Variants in ITGA5 observed in about 807,000 individuals in gnomAD.
The protein encoded by ITGA5 is integrin subunit alpha 5, also known as integrin alpha-5.
In ITGA5, 55 loss-of-function variants were observed where a neutral mutation model predicts 146.3. The ratio of observed to expected loss-of-function variants is 0.38; its 90% CI spans 0.30 to 0.47. The LOEUF is 0.47. ITGA5 is among the 20% of genes least tolerant of loss of function. The pLI, the probability that ITGA5 is intolerant of heterozygous loss-of-function variation, is 0.99. For missense variants in ITGA5, 1,131 were observed against 1,329.0 expected (o/e 0.85, Z 2.32); for synonymous variants, 500 against 531.8 (o/e 0.94, Z 0.82).
In ITGA5 at chr12:54,401,229, GGACTCTGCCTCATGCCTTT is replaced by G; in HGVS notation, c.2493+125_2493+143del. 1.3e-6 allele frequency: 1 copy of G among 792,982 alleles called. No homozygotes were observed. Among genetic ancestry groups the G allele is most frequent in the African/African-American group, 1.7e-5 (1 of 58,268 alleles). The allele number at this position is 792,982 out of a possible 1,614,324, so 49.1% of individuals were successfully genotyped here. Reference sequence around the variant, plus strand: ...GTCTCTCCTCTGGCTGTTTCTCACAGGACTCTGCCTCATGCCTTTGCATATCACTTACTCCTCCCTCCTC... The same window carrying G: ...GTCTCTCCTCTGGCTGTTTCTCACAGGCATATCACTTACTCCTCCCTCCTC... On this transcript the variant is annotated intron_variant, in intron 24 of 29. Transcript: ENST00000293379. This position sits in a 1 kb window ranked among gnomAD's most constrained non-coding sequence, Gnocchi z 5.0.
rs1220528423 is a variant in ITGA5, at chr12:54,401,110, T to C, written c.2494-115A>G. On this transcript the variant is annotated intron_variant, in intron 24 of 29. Transcript: ENST00000293379. This position sits in a 1 kb window ranked among gnomAD's most constrained non-coding sequence, Gnocchi z 5.0. The stretch of plus-strand genomic sequence containing the variant: ...TGCTGTCAGGCTCCTATCTCAGAGA[T>C]GAAGCAGGGAAGCAATGGGCAGAGG... 1 of 1,126,710 alleles carries C rather than the reference T, an allele frequency of 8.9e-7. No individual in the cohort carries two copies. The highest frequency in any genetic ancestry group is 1.3e-6 in the Non-Finnish European group (1 of 792,854). 69.8% of individuals were successfully genotyped at this position (1,126,710 alleles called of 1,614,324 possible).
At chr12:54,396,511 G>A in intron 29 of ITGA5, 135 bp from the exon 30 acceptor site, 3 of 694,308 alleles carry the variant, frequency 4.3e-6, no homozygotes, top group Non-Finnish European at 7.6e-6. Context: ...CTGAATTCAG[G>A]CTAGGACTAC....
In ITGA5 at chr12:54,409,139, G is replaced by GA. The variant is rs1955907196; in HGVS notation, c.583+92_583+93insT. ...TTAAGCAACCTAGAACCTCATGGGG[G>GA]CACATGGTAGGTGCGAGTCAACCCT... On this transcript the variant is annotated intron_variant, in intron 4 of 29. Transcript: ENST00000293379. This position sits in a 1 kb window ranked among gnomAD's most constrained non-coding sequence, Gnocchi z 4.7. 6.6e-7 allele frequency: 1 copy of GA among 1,518,566 alleles called. No individual in the cohort carries two copies. The highest frequency in any genetic ancestry group is 1.4e-5 in the African/African-American group (1 of 72,450). 94.1% of individuals were successfully genotyped at this position (1,518,566 alleles called of 1,614,324 possible).
intron 7 of ITGA5, 101 bp from the exon 8 acceptor site, chr12:54,407,977 G>C (rs1955887639): frequency 2.7e-6 from 4 of 1,508,284 alleles, no homozygotes; most frequent in Admixed American, 1.8e-5. Flanking sequence ...GGCCTTCATA[G>C]TCAGCAGGCA....
chr12:54,402,948 C>T, intron 19 of ITGA5, 35 bp downstream of exon 19: 3 of 1,597,406 alleles, frequency 1.9e-6, no homozygotes, highest in Non-Finnish European at 2.6e-6. Flanking sequence ...CCAGGTGCAC[C>T]TGGAGCTCCC....
At position 54,401,719 on chromosome 12, in the gene ITGA5, C is replaced by T; in HGVS notation, c.2307-54G>A. 1 of 1,610,436 alleles carries T rather than the reference C, an allele frequency of 6.2e-7. No homozygotes were observed. Among genetic ancestry groups the T allele is most frequent in the South Asian group, 1.1e-5 (1 of 90,954 alleles). ...TGGAGTGCAGCCAGTGAGAATGGCG[C>T]CCAGCCCTCCCTTCCGTCCCCAGCT... On this transcript the variant is annotated intron_variant, in intron 22 of 29. Coordinates refer to ENST00000293379, the MANE Select transcript of ITGA5 (RefSeq NM_002205.5). This position sits in a 1 kb window ranked among gnomAD's most constrained non-coding sequence, Gnocchi z 5.0.
intron 27 of ITGA5, among the ~76,000 whole-genome samples, chr12:54,399,395 C>CTT: frequency 6.6e-6 from 1 of 152,252 alleles, no homozygotes; most frequent in East Asian, 1.9e-4. Flanking sequence ...TTCTATCATT[C>CTT]TTTGCACACT....
intron 19 of ITGA5, among the ~76,000 whole-genome samples, chr12:54,402,642 G>A (rs1955802761): frequency 6.6e-6 from 1 of 151,952 alleles, no homozygotes; most frequent in Non-Finnish European, 1.5e-5. Context: ...GGAGGTTGCA[G>A]TGAGCCGAGA....
At position 54,401,003 on chromosome 12, in the gene ITGA5, G is replaced by A. The variant is rs1265176713; in HGVS notation, c.2494-8C>T. 6.2e-7 allele frequency: 1 copy of A among 1,612,628 alleles called. No homozygotes were observed. Among genetic ancestry groups the A allele is most frequent in the Non-Finnish European group, 8.5e-7 (1 of 1,179,518 alleles). On this transcript the variant is annotated splice_polypyrimidine_tract_variant and splice_region_variant and intron_variant, in intron 24 of 29. Coordinates refer to ENST00000293379, the MANE Select transcript of ITGA5 (RefSeq NM_002205.5). This position sits in a 1 kb window ranked among gnomAD's most constrained non-coding sequence, Gnocchi z 5.0. ...GGGGCCTTGGTTGATGAGCTGAGGA[G>A]GGAAGAGCACAATCATCATGAGAAG... is the stretch of plus-strand genomic sequence containing the variant.
At position 54,403,251 on chromosome 12, in the gene ITGA5, G is replaced by T; in HGVS notation, c.1850C>A (p.Pro617Gln). 1 of 1,565,842 alleles carries T rather than the reference G, an allele frequency of 6.4e-7. No individual in the cohort carries two copies. Among genetic ancestry groups the T allele is most frequent in the Non-Finnish European group, 8.6e-7 (1 of 1,159,390 alleles). The change falls in exon 18 of 30, where the codon CCA (proline) becomes CAA (glutamine). Residue 617 changes from proline to glutamine, a missense_variant. Pro to Gln is a moderately conservative substitution (Grantham distance 76, BLOSUM62 -1). Transcript: ENST00000293379. The surrounding 1 kb of genome is among the most constrained non-coding windows in gnomAD (Gnocchi z 4.9). ...TGGCCTGAGGCCGTGGCTGTCCACT[G>T]GGGCTTGGGGGTCCAAGGAGAAGTT... is the stretch of plus-strand genomic sequence containing the variant. Reference protein sequence around the residue: ...ALNFSLDPQAPVDSHGLRPAL... With the variant: ...ALNFSLDPQAQVDSHGLRPAL...
At chr12:54,407,490 A>G in intron 9 of ITGA5, 159 bp downstream of exon 9, 2 of 680,874 alleles carry the variant, frequency 2.9e-6, no homozygotes, top group Non-Finnish European at 2.7e-6. Context: ...AATAAAGAGC[A>G]GAATGATTCT....
Position 54,409,539 on chromosome 12 carries a change from G to C in ITGA5, c.408C>G (p.Tyr136Ter). 6.2e-7 allele frequency: 1 copy of C among 1,614,002 alleles called. No individual in the cohort carries two copies. Among genetic ancestry groups the C allele is most frequent in the Non-Finnish European group, 8.5e-7 (1 of 1,179,988 alleles). Residue 136 changes from tyrosine to a stop codon, truncating the protein, a stop_gained, in exon 3 of 30, where the codon TAC (tyrosine) becomes TAG (stop). Coordinates refer to ENST00000293379, the MANE Select transcript of ITGA5 (RefSeq NM_002205.5). LOFTEE classifies it high-confidence loss of function. The surrounding 1 kb of genome is among the most constrained non-coding windows in gnomAD (Gnocchi z 4.7). ...TTGCCCCGAACCACTGCAAGGACTT[G>C]TACTCCACAGGCTCCTCTCCCTCTG... ...SSSEGEEPVEYKSLQWFGATV... is the reference protein window; with the variant it reads ...SSSEGEEPVE
intron 2 of ITGA5, among the ~76,000 whole-genome samples, chr12:54,410,357 T>C (rs566519203): frequency 6.7e-5 from 10 of 150,376 alleles, no homozygotes; most frequent in African/African-American, 2.0e-4. Context: ...CTTTTTTTTT[T>C]TTTTTTGAGA....
intron 1 of ITGA5, among the ~76,000 whole-genome samples, chr12:54,418,732 C>G (rs1446651739): frequency 6.6e-6 from 1 of 151,816 alleles, no homozygotes; most frequent in Non-Finnish European, 1.5e-5. Context: ...TCTCCAGCTC[C>G]GTGTCCTCTC....
chr12:54,403,317 G>C lies in ITGA5; in HGVS notation c.1784C>G (p.Ser595Ter), dbSNP rs550770250. 6.5e-7 allele frequency: 1 copy of C among 1,528,042 alleles called. No individual in the cohort carries two copies. Among genetic ancestry groups the C allele is most frequent in the African/African-American group, 1.4e-5 (1 of 72,000 alleles). The allele number at this position is 1,528,042 out of a possible 1,614,324, so 94.7% of individuals were successfully genotyped here. A position where few individuals can be genotyped will look rare whatever the true frequency, so the allele number is the denominator to read the frequency against. Residue 595 changes from serine (S) to a stop codon, truncating the protein, a stop_gained, in exon 18 of 30, where the codon TCA becomes TGA. Transcript: ENST00000293379. LOFTEE classifies it high-confidence loss of function. The surrounding 1 kb of genome is among the most constrained non-coding windows in gnomAD (Gnocchi z 4.9). ...REMKIYLRNESEFRDKLSPIH... is the reference protein window; with the variant it reads ...REMKIYLRNE ...CGGCGAGAGTTTGTCTCGAAATTCT[G>C]ACTCGTTCTGGGGCCAGAGGAGAGA...
In ITGA5 at chr12:54,416,026, A is replaced by G. The variant is rs1956003593; in HGVS notation, c.218+2955T>C. ...AACTAACTTCTGGTTCAAAATTTCT[A>G]TGACTCCTGAAGCCTCAGTTGTTTT... On this transcript the variant is annotated intron_variant, in intron 1 of 29. Transcript: ENST00000293379. The surrounding 1 kb of genome is among the most constrained non-coding windows in gnomAD (Gnocchi z 4.1). 6.6e-6 allele frequency among the ~76,000 whole-genome samples: 1 copy of G among 152,084 alleles called. No homozygotes were observed. The highest frequency in any genetic ancestry group is 1.5e-5 in the Non-Finnish European group (1 of 68,012).
rs767447537 is a variant in ITGA5, at chr12:54,405,328, G to A, written c.1063C>T (p.Pro355Ser). 7 of 1,612,356 alleles carry A rather than the reference G, an allele frequency of 4.3e-6. No homozygotes were observed. The highest frequency in any genetic ancestry group is 1.3e-5 in the African/African-American group (1 of 74,890). Residue 355 changes from proline (P) to serine (S), a missense_variant, in exon 12 of 30, where the codon CCT becomes TCT. Pro to Ser is a moderately conservative substitution (Grantham distance 74). Coordinates refer to ENST00000293379, the MANE Select transcript of ITGA5 (RefSeq NM_002205.5). ...CCCACCTCCTGAGGCCGCCCGTCAG[G>A]GGTCCGATCCATGAGCAGGGGTGCC... ...VGAPLLMDRT[P>S]DGRPQEVGRV... is the part of the protein sequence containing the mutation.
At chr12:54,408,308 G>A in intron 6 of ITGA5, 73 bp from the exon 7 acceptor site, 2 of 1,530,478 alleles carry the variant, frequency 1.3e-6, no homozygotes, top group Non-Finnish European at 1.8e-6. Context: ...GGGGCTGACT[G>A]GGTAGTATTT....
Position 54,414,714 on chromosome 12 carries a change from G to A in ITGA5, c.219-2750C>T, listed in dbSNP as rs1342108281. ...ACAAAAAAATTATCCGGGCGTGGTG[G>A]CGGGCGCTTGTAGTCCCACCTACTA... On this transcript the variant is annotated intron_variant, in intron 1 of 29. Transcript: ENST00000293379. 5.3e-5 allele frequency among the ~76,000 whole-genome samples: 8 copies of A among 151,032 alleles called. No individual in the cohort carries two copies. The East Asian group carries it at 1.5e-3, about 29-fold the overall frequency.
Sources: allele counts gnomAD v4.1 joint callset (sites outside exome capture counted in the v4.1 genomes callset), GRCh38; gene constraint gnomAD v4.1.1; non-coding constraint Gnocchi (gnomAD v3.1); transcripts MANE v1.5; gene names NCBI Gene and HGNC (gene_info 2026-07-23, HGNC 2026-07-21).